The following FRMPD2 variants were observed in gnomAD, a reference collection of about 807,000 sequenced individuals.
FRMPD2 encodes the protein FERM and PDZ domain containing 2.
In FRMPD2, 96 loss-of-function variants were observed where a neutral mutation model predicts 140.1. The ratio of observed to expected loss-of-function variants is 0.69; its 90% CI spans 0.58 to 0.81. FRMPD2 has a LOEUF of 0.81. Ranked by LOEUF, FRMPD2 falls within the 40% of genes least tolerant of loss-of-function variation. The probability of loss-of-function intolerance (pLI) is 0.00; values close to 1 mark genes in which losing one functional copy is unlikely to be tolerated. For synonymous variants in FRMPD2, 449 were observed against 547.6 expected, an observed-to-expected ratio of 0.82 and a Z score of 2.52; for missense variants, 1,240 against 1,447.4, an observed-to-expected ratio of 0.86 and a Z score of 2.32.
chr10:48,234,859 A>G (rs1362572567), intron 9 of FRMPD2, among the ~76,000 whole-genome samples: 1 of 152,092 alleles, frequency 6.6e-6, no homozygotes, highest in Non-Finnish European at 1.5e-5. Flanking sequence ...GAGTCTTGGT[A>G]CCTAAGCACT....
chr10:48,214,252 C>T (rs1292950996), intron 12 of FRMPD2, among the ~76,000 whole-genome samples: 1 of 152,208 alleles, frequency 6.6e-6, no homozygotes, highest in Non-Finnish European at 1.5e-5. Context: ...TGTGAGTATA[C>T]CCCAAACTGC....
At chr10:48,246,367 G>T (rs1840248569) in intron 3 of FRMPD2, among the ~76,000 whole-genome samples, 1 of 152,206 alleles carries the variant, frequency 6.6e-6, no homozygotes, top group African/African-American at 2.4e-5. Context: ...AGTGTCTTAG[G>T]GCAAGGCCTT....
chr10:48,222,253 C>T (rs904332490), intron 12 of FRMPD2, 60 bp downstream of exon 12: 2 of 1,569,098 alleles, frequency 1.3e-6, no homozygotes, highest in Non-Finnish European at 8.7e-7. Context: ...AACACATGCC[C>T]TCATCCTGTA....
rs73294227 is a variant in FRMPD2 at position 48,218,125 on chromosome 10, C to T, written c.1455+4188G>A. 2.4e-3 allele frequency among the ~76,000 whole-genome samples: 363 copies of T among 152,278 alleles called. 1 individual carries two copies. The highest frequency in any genetic ancestry group is 8.4e-3 in the African/African-American group (351 of 41,556). On this transcript the variant is annotated intron_variant, in intron 12 of 28. Transcript: ENST00000374201. ...TGGCCTTTCCTCTGTACTTGTGCCT[C>T]CATGGTGTTTCTTTGTGTGTCCAAA...
At chr10:48,242,066 A>G (rs941972603) in intron 5 of FRMPD2, 95 bp downstream of exon 5, 18 of 898,418 alleles carry the variant, frequency 2.0e-5, no homozygotes, top group African/African-American at 6.8e-5. Flanking sequence ...TTAATTTTTT[A>G]TTTTATTTTA....
At chr10:48,198,153 A>T (rs1838995925) in intron 15 of FRMPD2, among the ~76,000 whole-genome samples, 1 of 152,236 alleles carries the variant, frequency 6.6e-6, no homozygotes, top group East Asian at 1.9e-4. Context: ...TAGTTATAAC[A>T]ATAATACACA....
chr10:48,178,719 A>C (rs1311181913), intron 21 of FRMPD2: 1 of 153,058 alleles, frequency 6.5e-6, no homozygotes, highest in African/African-American at 2.4e-5. Flanking sequence ...TGCTCCCCTC[A>C]ACGGCCCCCA....
intron 28 of FRMPD2, among the ~76,000 whole-genome samples, chr10:48,159,790 A>G (rs1837884986): frequency 6.6e-6 from 1 of 151,638 alleles, no homozygotes; most frequent in African/African-American, 2.4e-5. Context: ...TGCTAGGCAA[A>G]AAGAGAAAGA....
chr10:48,220,351 T>C (rs2131899211), intron 12 of FRMPD2, among the ~76,000 whole-genome samples: 1 of 152,268 alleles, frequency 6.6e-6, no homozygotes, highest in South Asian at 2.1e-4. Context: ...GACACCCTAT[T>C]CAACAAATGG....
At chr10:48,228,375 T>C (rs1839773024) in intron 10 of FRMPD2, among the ~76,000 whole-genome samples, 1 of 151,842 alleles carries the variant, frequency 6.6e-6, no homozygotes, top group South Asian at 2.1e-4. Flanking sequence ...ATTACAGTTA[T>C]AGTAAGTTAA....
chr10:48,236,568 T>A lies in FRMPD2; in HGVS notation c.922-15A>T. On this transcript the variant is annotated splice_polypyrimidine_tract_variant and intron_variant, in intron 8 of 28. Transcript: ENST00000374201. ...GGCCTGGAAAACTGGAGGAAAACAG[T>A]CACATATGGTAGAGAAGACAACAGA... 1 of 1,612,958 alleles carries A rather than the reference T, an allele frequency of 6.2e-7. No homozygotes were observed. Among genetic ancestry groups the A allele is most frequent in the Non-Finnish European group, 8.5e-7 (1 of 1,178,926 alleles).
At chr10:48,267,730 T>C (rs1483740274) in intron 1 of FRMPD2, among the ~76,000 whole-genome samples, 1 of 152,134 alleles carries the variant, frequency 6.6e-6, no homozygotes, top group African/African-American at 2.4e-5. Flanking sequence ...AACCAAAAAG[T>C]GGAAACAACT....
intron 10 of FRMPD2, among the ~76,000 whole-genome samples, 169 bp downstream of exon 10, chr10:48,231,946 T>G (rs1345849024): frequency 6.6e-6 from 1 of 152,230 alleles, no homozygotes; most frequent in Non-Finnish European, 1.5e-5. Context: ...TGCTTGATGC[T>G]TTATCCATGA....
intron 1 of FRMPD2, among the ~76,000 whole-genome samples, chr10:48,261,843 C>T (rs770252156): frequency 2.6e-5 from 4 of 152,040 alleles, no homozygotes; most frequent in Non-Finnish European, 4.4e-5. Context: ...AAGGGAGAAA[C>T]GGGTATTACT....
intron 27 of FRMPD2, among the ~76,000 whole-genome samples, chr10:48,166,219 C>T (rs545579897): frequency 8.1e-6 from 1 of 123,184 alleles, no homozygotes; most frequent in South Asian, 2.4e-4. Context: ...ACCATTTCCC[C>T]AAGGCTTCCT....
intron 10 of FRMPD2, among the ~76,000 whole-genome samples, chr10:48,231,819 T>A (rs1301335713): frequency 6.6e-6 from 1 of 152,200 alleles, no homozygotes; most frequent in Non-Finnish European, 1.5e-5. Context: ...TAGATGGAAA[T>A]GCTTTTAACA....
chr10:48,232,338 C>G (rs1361493504), intron 9 of FRMPD2, 49 bp from the exon 10 acceptor site: 1 of 1,402,652 alleles, frequency 7.1e-7, no homozygotes, highest in South Asian at 1.3e-5. Flanking sequence ...AGTCATTGAG[C>G]CTTTAGTGTG....
At chr10:48,222,181 T>C (rs1588838768) in intron 12 of FRMPD2, 132 bp downstream of exon 12, 3 of 775,012 alleles carry the variant, frequency 3.9e-6, no homozygotes, top group East Asian at 2.7e-5. Context: ...TGGATAAATG[T>C]AGTTTACTCC....
At chr10:48,244,200 G>C (rs1840191709) in intron 4 of FRMPD2, among the ~76,000 whole-genome samples, 1 of 152,176 alleles carries the variant, frequency 6.6e-6, no homozygotes, top group African/African-American at 2.4e-5. Flanking sequence ...GGCCAGGCTT[G>C]TCTCGAACTC....
Sources: gnomAD v4.1 joint callset for allele counts (sites outside exome capture counted in the v4.1 genomes callset) on GRCh38, gnomAD v4.1.1 for gene constraint, MANE v1.5 for transcripts, NCBI Gene and HGNC (gene_info 2026-07-23, HGNC 2026-07-21) for gene names.